NPAS3: variants seen among roughly 807,000 people sequenced by gnomAD.
The protein encoded by NPAS3 is neuronal PAS domain-containing protein 3.
Under a neutral mutation model 73.1 loss-of-function variants are expected in NPAS3, and 14 were observed. The observed-to-expected ratio is 0.19, with a 90% CI of 0.13 to 0.30. The LOEUF (loss-of-function observed/expected upper bound fraction) is 0.30. NPAS3 is among the 10% of genes least tolerant of loss of function. NPAS3 has a pLI of 1.00. For missense variants in NPAS3, 1,096 were observed against 1,250.0 expected (o/e 0.88, Z 1.86); for synonymous variants, 620 against 541.5 (o/e 1.14, Z -2.01).
intron 4 of NPAS3, among the ~76,000 whole-genome samples, chr14:33,407,485 C>T (rs2047718212): frequency 6.6e-6 from 1 of 151,944 alleles, no homozygotes. Context: ...AAATTTCTTC[C>T]AATTTTTAGT....
intron 6 of NPAS3, among the ~76,000 whole-genome samples, chr14:33,721,970 C>A (rs758489851): frequency 2.6e-5 from 4 of 152,130 alleles, no homozygotes; most frequent in Non-Finnish European, 4.4e-5. Flanking sequence ...TAATTGAAGA[C>A]CCCAGAACAA....
At chr14:33,404,609 A>T (rs558908273) in intron 4 of NPAS3, among the ~76,000 whole-genome samples, 1 of 152,104 alleles carries the variant, frequency 6.6e-6, no homozygotes, top group East Asian at 1.9e-4. Context: ...ATGGAGCTAC[A>T]TACTTTTTTT....
intron 4 of NPAS3, among the ~76,000 whole-genome samples, chr14:33,438,859 A>G (rs1378481625): frequency 6.6e-6 from 1 of 152,172 alleles, no homozygotes; most frequent in Non-Finnish European, 1.5e-5. Context: ...CCTAAAATAA[A>G]TGCTTCTATT....
intron 5 of NPAS3, among the ~76,000 whole-genome samples, chr14:33,670,619 C>CG (rs1340679967): frequency 6.8e-6 from 1 of 147,092 alleles, no homozygotes; most frequent in Non-Finnish European, 1.5e-5. Context: ...AATGTGACCC[C>CG]CCCTCAAAAA....
intron 3 of NPAS3, among the ~76,000 whole-genome samples, chr14:33,340,675 C>A (rs1247089358): frequency 6.6e-6 from 1 of 152,096 alleles, no homozygotes; most frequent in Non-Finnish European, 1.5e-5. Context: ...CTAAATTTTT[C>A]ATCCTAAAAC....
intron 3 of NPAS3, among the ~76,000 whole-genome samples, chr14:33,267,266 C>T (rs2040860977): frequency 6.6e-6 from 1 of 152,044 alleles, no homozygotes; most frequent in Non-Finnish European, 1.5e-5. Flanking sequence ...ATTGTACTTT[C>T]TATATATTTT....
intron 2 of NPAS3, among the ~76,000 whole-genome samples, chr14:33,058,035 A>G (rs1679786820): frequency 6.6e-6 from 1 of 152,090 alleles, no homozygotes; most frequent in Non-Finnish European, 1.5e-5. Context: ...TGGTGTTAAT[A>G]TATATTATAT....
intron 6 of NPAS3, among the ~76,000 whole-genome samples, chr14:33,679,106 G>A (rs2059857777): frequency 6.6e-6 from 1 of 152,136 alleles, no homozygotes; most frequent in African/African-American, 2.4e-5. Context: ...AGCCATCCTT[G>A]CTAGTGAGAT....
intron 4 of NPAS3, among the ~76,000 whole-genome samples, chr14:33,396,210 C>T (rs1478969956): frequency 6.6e-6 from 1 of 152,174 alleles, no homozygotes; most frequent in Non-Finnish European, 1.5e-5. Flanking sequence ...AGTCTCAGCT[C>T]ATTTGAGTTG....
chr14:33,646,421 T>A (rs2058831769), intron 5 of NPAS3, among the ~76,000 whole-genome samples: 1 of 152,188 alleles, frequency 6.6e-6, no homozygotes, highest in African/African-American at 2.4e-5. Context: ...TTATTTTATC[T>A]AGTAAATGGA....
intron 3 of NPAS3, among the ~76,000 whole-genome samples, chr14:33,340,591 T>C (rs1363282138): frequency 1.3e-5 from 2 of 152,244 alleles, no homozygotes; most frequent in Non-Finnish European, 2.9e-5. Flanking sequence ...ATATTATTTA[T>C]AGGTTAAATG....
At chr14:33,329,842 A>C (rs759643125) in intron 3 of NPAS3, among the ~76,000 whole-genome samples, 6 of 151,918 alleles carry the variant, frequency 3.9e-5, no homozygotes, top group Non-Finnish European at 8.8e-5. Context: ...GAGAGAGAGA[A>C]GTGCTTAAAA....
At chr14:33,470,954 T>G (rs2050753894) in intron 4 of NPAS3, among the ~76,000 whole-genome samples, 1 of 141,944 alleles carries the variant, frequency 7.0e-6, no homozygotes, top group East Asian at 2.2e-4. Context: ...AAAAAGAATG[T>G]TCTCTTTATG....
chr14:33,602,525 C>T (rs1252556635), intron 5 of NPAS3, among the ~76,000 whole-genome samples: 1 of 152,164 alleles, frequency 6.6e-6, no homozygotes, highest in African/African-American at 2.4e-5. Context: ...TGGGTCTCTC[C>T]CAGCAGGCAT....
intron 3 of NPAS3, among the ~76,000 whole-genome samples, chr14:33,239,248 G>A (rs1242683811): frequency 6.6e-6 from 1 of 151,800 alleles, no homozygotes; most frequent in Non-Finnish European, 1.5e-5. Context: ...AAAGGGATGA[G>A]CAAGTGGAAG....
chr14:33,563,546 A>AGAGAGAGAGG (rs2055769187), intron 5 of NPAS3, among the ~76,000 whole-genome samples: 1 of 150,592 alleles, frequency 6.6e-6, no homozygotes, highest in South Asian at 2.1e-4. Context: ...ACAGAGAGAG[A>AGAGAGAGAGG]GAGAGAGAGA....
intron 4 of NPAS3, among the ~76,000 whole-genome samples, chr14:33,369,635 A>G (rs1237744644): frequency 2.6e-5 from 4 of 152,162 alleles, no homozygotes; most frequent in Admixed American, 6.5e-5. Context: ...TGATTGCACT[A>G]TGTAATCTTA....
intron 5 of NPAS3, among the ~76,000 whole-genome samples, chr14:33,643,188 A>G (rs1469411693): frequency 6.6e-6 from 1 of 152,078 alleles, no homozygotes; most frequent in Non-Finnish European, 1.5e-5. Flanking sequence ...TTGTAGCAGC[A>G]TACCATGATG....
chr14:33,329,609 G>C (rs1403101865), intron 3 of NPAS3, among the ~76,000 whole-genome samples: 2 of 152,114 alleles, frequency 1.3e-5, no homozygotes, highest in Non-Finnish European at 1.5e-5. Flanking sequence ...GGAAGTGAGA[G>C]GATAGTCTCA....
Sources: gnomAD v4.1 joint callset for allele counts (sites outside exome capture counted in the v4.1 genomes callset) on GRCh38, gnomAD v4.1.1 for gene constraint, MANE v1.5 for transcripts, NCBI Gene and HGNC (gene_info 2026-07-23, HGNC 2026-07-21) for gene names.